The following NAALADL2 variants were observed in gnomAD, a reference collection of about 807,000 sequenced individuals.
The protein encoded by NAALADL2 is N-acetylated alpha-linked acidic dipeptidase like 2.
A neutral mutation model predicts 87.2 loss-of-function variants in NAALADL2; 76 were observed. The ratio of observed to expected loss-of-function variants is 0.87; its 90% CI spans 0.72 to 1.05. NAALADL2 has a LOEUF of 1.05. NAALADL2 is among the 50% of genes least tolerant of loss of function. The probability of loss-of-function intolerance (pLI) is 0.00; values close to 1 mark genes in which losing one functional copy is unlikely to be tolerated. For synonymous variants in NAALADL2, 354 were observed against 331.0 expected, an observed-to-expected ratio of 1.07 and a Z score of -0.75; for missense variants, 1,089 against 945.8, an observed-to-expected ratio of 1.15 and a Z score of -1.99.
intron 5 of NAALADL2, among the ~76,000 whole-genome samples, chr3:175,415,976 A>T (rs1714567732): frequency 6.8e-6 from 1 of 147,506 alleles, no homozygotes; most frequent in Non-Finnish European, 1.5e-5. Context: ...AAAAAAAATT[A>T]GCAGGGCATG....
chr3:174,787,587 A>ATATATATATATACATATATATATATATG (rs1560225512), intron 3 of NAALADL2, among the ~76,000 whole-genome samples: 1 of 58,942 alleles, frequency 1.7e-5, no homozygotes, highest in Non-Finnish European at 3.7e-5. Context: ...ATATATATAT[A>ATATATATATATACATATATATATATATG]TATATATATA....
At chr3:175,417,408 CTCA>C (rs551372054) in intron 5 of NAALADL2, among the ~76,000 whole-genome samples, 68 of 152,064 alleles carry the variant, frequency 4.5e-4, no homozygotes, top group African/African-American at 1.6e-3. Context: ...GCATTTAATA[CTCA>C]TCATCATAAT....
In NAALADL2 at chr3:175,097,873, C is replaced by T. The variant is rs116490656; in HGVS notation, c.545+582C>T. Among the ~76,000 whole-genome samples the T allele has an allele frequency of 4.2e-3, 634 of 152,176 alleles. 6 individuals carry two copies. Among genetic ancestry groups the T allele is most frequent in the African/African-American group, 0.015 (607 of 41,520 alleles). On this transcript the variant is annotated intron_variant, in intron 2 of 13. Coordinates refer to ENST00000454872, the MANE Select transcript of NAALADL2 (RefSeq NM_207015.3). ...TATTTGCATATATCTTCTATATTTGCAGAATAAGAATAGTCCTAGGTGAAT... is the reference window on the plus strand; with the variant it reads ...TATTTGCATATATCTTCTATATTTGTAGAATAAGAATAGTCCTAGGTGAAT...
chr3:174,451,076 A>G (rs562394697), intron 1 of NAALADL2, among the ~76,000 whole-genome samples: 3 of 152,284 alleles, frequency 2.0e-5, no homozygotes, highest in African/African-American at 7.2e-5. Context: ...TAAGAGTAAC[A>G]CAAAAACTGC....
chr3:174,649,881 A>G (rs544422381), intron 2 of NAALADL2, among the ~76,000 whole-genome samples: 2 of 152,234 alleles, frequency 1.3e-5, no homozygotes, highest in South Asian at 2.1e-4. Flanking sequence ...AAATCTTTTT[A>G]TATCTCTGTG....
At chr3:175,299,731 A>G (rs1756806260) in intron 4 of NAALADL2, among the ~76,000 whole-genome samples, 1 of 151,944 alleles carries the variant, frequency 6.6e-6, no homozygotes, top group African/African-American at 2.4e-5. Flanking sequence ...GTTGTCTCCA[A>G]ACAGAGATAA....
intron 2 of NAALADL2, among the ~76,000 whole-genome samples, chr3:174,701,166 T>C (rs1450380378): frequency 1.3e-5 from 2 of 151,244 alleles, no homozygotes; most frequent in Non-Finnish European, 2.9e-5. Flanking sequence ...TTCTAATTCA[T>C]AATCATAAGT....
intron 10 of NAALADL2, among the ~76,000 whole-genome samples, chr3:175,580,606 G>T (rs1421341862): frequency 1.3e-5 from 2 of 152,074 alleles, no homozygotes; most frequent in African/African-American, 2.4e-5. Context: ...GATGAAATCT[G>T]TTTCATGTGG....
chr3:174,829,262 C>G (rs1042967059), intron 3 of NAALADL2, among the ~76,000 whole-genome samples: 1 of 151,050 alleles, frequency 6.6e-6, no homozygotes, highest in Non-Finnish European at 1.5e-5. Context: ...CTATCCCTCC[C>G]CCATCCCCCC....
At chr3:174,809,890 T>G (rs1719969448) in intron 3 of NAALADL2, among the ~76,000 whole-genome samples, 1 of 152,160 alleles carries the variant, frequency 6.6e-6, no homozygotes, top group East Asian at 1.9e-4. Context: ...ATCCTTTTGA[T>G]GCTGTTCTCA....
intron 11 of NAALADL2, among the ~76,000 whole-genome samples, chr3:175,735,383 A>T (rs1744359610): frequency 6.6e-6 from 1 of 152,156 alleles, no homozygotes. Context: ...CCTATTTCCC[A>T]GTTCCAAAGT....
chr3:174,561,057 G>A (rs761608644), intron 2 of NAALADL2, among the ~76,000 whole-genome samples: 8 of 152,180 alleles, frequency 5.3e-5, no homozygotes, highest in Non-Finnish European at 8.8e-5. Context: ...TTGTAGTGGG[G>A]AAGAGAGATT....
At chr3:174,958,492 G>A (rs886553421) in intron 1 of NAALADL2, among the ~76,000 whole-genome samples, 1 of 151,916 alleles carries the variant, frequency 6.6e-6, no homozygotes, top group Non-Finnish European at 1.5e-5. Flanking sequence ...CCATCCCCAA[G>A]GGTTTATACT....
intron 1 of NAALADL2, among the ~76,000 whole-genome samples, chr3:174,524,903 T>C (rs1228082230): frequency 6.6e-6 from 1 of 152,108 alleles, no homozygotes; most frequent in African/African-American, 2.4e-5. Flanking sequence ...ATCCTAACAT[T>C]GTAGCACAAA....
intron 9 of NAALADL2, among the ~76,000 whole-genome samples, chr3:175,557,904 T>G (rs1470227697): frequency 6.6e-6 from 1 of 152,108 alleles, no homozygotes; most frequent in African/African-American, 2.4e-5. Flanking sequence ...TTGAAAAATG[T>G]CTAATCAGGG....
intron 2 of NAALADL2, among the ~76,000 whole-genome samples, chr3:174,604,432 C>T (rs1578281413): frequency 6.6e-6 from 1 of 152,056 alleles, no homozygotes; most frequent in East Asian, 1.9e-4. Flanking sequence ...TTCCATCCCT[C>T]TATTTTCAGT....
chr3:174,846,651 T>A (rs768310838), intron 3 of NAALADL2, among the ~76,000 whole-genome samples: 1 of 152,198 alleles, frequency 6.6e-6, no homozygotes, highest in Middle Eastern at 3.2e-3. Flanking sequence ...TATGTATGTA[T>A]GATATATTCT....
chr3:175,464,965 G>A (rs367948456), intron 7 of NAALADL2, among the ~76,000 whole-genome samples: 4 of 152,270 alleles, frequency 2.6e-5, no homozygotes, highest in African/African-American at 9.6e-5. Context: ...ACTAGCTTTA[G>A]AGTGAAGAAA....
chr3:174,516,563 G>A (rs868043771), intron 1 of NAALADL2, among the ~76,000 whole-genome samples: 7 of 151,966 alleles, frequency 4.6e-5, no homozygotes, highest in South Asian at 2.1e-4. Flanking sequence ...GTTGCCCTAG[G>A]AAAATCAGCT....
Sources: gnomAD v4.1 joint callset for allele counts (sites outside exome capture counted in the v4.1 genomes callset) on GRCh38, gnomAD v4.1.1 for gene constraint, MANE v1.5 for transcripts, NCBI Gene and HGNC (gene_info 2026-07-23, HGNC 2026-07-21) for gene names.